Variants in JHY observed in about 807,000 individuals in gnomAD.
JHY encodes the protein jhy protein homolog.
JHY carries 69 observed loss-of-function variants against 78.0 expected under a neutral mutation model. The ratio of observed to expected loss-of-function variants is 0.88; its 90% confidence interval spans 0.73 to 1.08. The LOEUF is 1.08. JHY is among the 50% of genes least tolerant of loss of function. JHY has a pLI of 0.00. For missense variants in JHY, 944 were observed against 927.8 expected, an observed-to-expected ratio of 1.02 and a Z score of -0.23; for synonymous variants, 368 against 342.6, an observed-to-expected ratio of 1.07 and a Z score of -0.82.
chr11:122,926,201 A>G (rs144061952), intron 4 of JHY, among the ~76,000 whole-genome samples: 5 of 89,636 alleles, frequency 5.6e-5, no homozygotes, highest in Admixed American at 1.0e-4. Flanking sequence ...AAAAAAAAAA[A>G]AAAAAGAAAA....
chr11:122,911,819 C>T (rs1476803009), intron 3 of JHY, among the ~76,000 whole-genome samples: 2 of 135,274 alleles, frequency 1.5e-5, no homozygotes, highest in Admixed American at 1.7e-4. Context: ...GCAGGAGATA[C>T]GCTTGAACCC....
intron 3 of JHY, among the ~76,000 whole-genome samples, chr11:122,909,545 C>A (rs1047025415): frequency 6.6e-6 from 1 of 152,148 alleles, no homozygotes; most frequent in Non-Finnish European, 1.5e-5. Context: ...TTTGGGAGGC[C>A]AAAGCGGGCA....
In JHY at chr11:122,883,111, G is replaced by A. The variant is rs1162769031; in HGVS notation, c.-90+139G>A. On this transcript the variant is annotated intron_variant, in intron 1 of 8. Coordinates refer to ENST00000227349, the MANE Select transcript of JHY (RefSeq NM_024806.4). This position sits in a 1 kb window ranked among gnomAD's most constrained non-coding sequence, Gnocchi z 4.4. Reference sequence around the variant, plus strand: ...AGCCGGCGCGGGAGCCTTCGGGACGGAGTGGGGAGCGACAAGGGGGCGAGG... The same window carrying A: ...AGCCGGCGCGGGAGCCTTCGGGACGAAGTGGGGAGCGACAAGGGGGCGAGG... The A allele has an allele frequency of 1.3e-5, 2 of 152,836 alleles. No homozygotes were observed. The highest frequency in any genetic ancestry group is 4.1e-4 in the South Asian group (2 of 4,910). 9.5% of individuals were successfully genotyped at this position (152,836 alleles called of 1,614,324 possible). A position where few individuals can be genotyped will look rare whatever the true frequency, so the allele number is the denominator to read the frequency against.
intron 4 of JHY, among the ~76,000 whole-genome samples, chr11:122,926,771 C>G (rs1363822687): frequency 2.6e-5 from 4 of 152,212 alleles, no homozygotes; most frequent in Non-Finnish European, 5.9e-5. Context: ...CTGCCATTTA[C>G]TTGATTCATG....
In JHY at chr11:122,886,151, G is replaced by A. The variant is rs995696300; in HGVS notation, c.302G>A (p.Arg101His). 8 of 1,613,802 alleles carry A rather than the reference G, an allele frequency of 5.0e-6. No homozygotes were observed. In the African/African-American group the frequency reaches 5.3e-5, roughly 11 times the overall value. ...AGTGGAAAAGCAGCTCAGATGGCTC[G>A]CGAGCAAAACCACCATACCTGGGAC... ...EASGKAAQMA[R>H]EQNHHTWDQG... is the part of the protein sequence containing the mutation. Residue 101 changes from arginine to histidine, a missense_variant, in exon 2 of 9, where the codon CGC (arginine) becomes CAC (histidine). Transcript: ENST00000227349.
At chr11:122,948,468 A>AATAATAATAATCATAATC (rs1288489788) in intron 6 of JHY, among the ~76,000 whole-genome samples, 2 of 148,376 alleles carry the variant, frequency 1.3e-5, no homozygotes, top group Admixed American at 6.8e-5. Context: ...TAATAATAAT[A>AATAATAATAATCATAATC]ATAATAATAA....
Position 122,961,357 on chromosome 11 carries a change from C to T in JHY, c.*1912C>T, listed in dbSNP as rs193205151. Among the ~76,000 whole-genome samples, 11 of 151,844 alleles carry T rather than the reference C, an allele frequency of 7.2e-5. No individual in the cohort carries two copies. The East Asian group carries it at 1.9e-3, about 27-fold the overall frequency. On this transcript the variant is annotated 3_prime_UTR_variant, in exon 9 of 9. Coordinates refer to ENST00000227349, the MANE Select transcript of JHY (RefSeq NM_024806.4). Reference sequence around the variant, plus strand: ...TTGTTGTTGTTTTTAGACAGACTCTCGCTCTGTCACCCAGGCTGGAGTGCA... The same window carrying T: ...TTGTTGTTGTTTTTAGACAGACTCTTGCTCTGTCACCCAGGCTGGAGTGCA...
At position 122,957,269 on chromosome 11, in the gene JHY, C is replaced by T. The variant is rs61904391; in HGVS notation, c.2011-94C>T. On this transcript the variant is annotated intron_variant, in intron 7 of 8. Coordinates refer to ENST00000227349, the MANE Select transcript of JHY (RefSeq NM_024806.4). ...TTGCTCCTGTACAGCTGATAAGATA[C>T]GCCCAGTATACTGAAACCAGGGCAT... 8.8e-3 allele frequency: 11,768 copies of T among 1,343,780 alleles called. 66 individuals are homozygous for T. The highest frequency in any genetic ancestry group is 0.01 in the Non-Finnish European group (10,171 of 1,016,292). The allele number at this position is 1,343,780 out of a possible 1,614,324, so 83.2% of individuals were successfully genotyped here. A position where few individuals can be genotyped will look rare whatever the true frequency, so the allele number is the denominator to read the frequency against.
rs1028996971 is a variant in JHY, at chr11:122,891,612, A to G, written c.344+5419A>G. Among the ~76,000 whole-genome samples the G allele has an allele frequency of 3.9e-5, 6 of 151,920 alleles. No individual in the cohort carries two copies. The East Asian group carries it at 1.2e-3, about 29-fold the overall frequency. On this transcript the variant is annotated intron_variant, in intron 2 of 8. Coordinates refer to ENST00000227349, the MANE Select transcript of JHY (RefSeq NM_024806.4). The stretch of plus-strand genomic sequence containing the variant: ...AGAGAGCAGCCATACAGTACTTTAT[A>G]TGTGTTTAATAAGGTCTTGTTAACA...
intron 6 of JHY, chr11:122,947,528 A>G (rs1565336121): frequency 6.6e-6 from 1 of 152,180 alleles, no homozygotes; most frequent in Non-Finnish European, 1.5e-5. Flanking sequence ...TGTCCTGTGT[A>G]TTTCTCTTCT....
chr11:122,950,888 C>T (rs1864071537), intron 6 of JHY, among the ~76,000 whole-genome samples: 1 of 152,184 alleles, frequency 6.6e-6, no homozygotes, highest in African/African-American at 2.4e-5. Context: ...TGGGGACATC[C>T]CCCTTCCTGC....
At chr11:122,937,995 C>T (rs1185876242) in intron 5 of JHY, among the ~76,000 whole-genome samples, 1 of 148,372 alleles carries the variant, frequency 6.7e-6, no homozygotes, top group Non-Finnish European at 1.5e-5. Context: ...ATTCCTGATC[C>T]TTTGTATATA....
chr11:122,949,557 C>A (rs1372429545), intron 6 of JHY, among the ~76,000 whole-genome samples: 1 of 152,108 alleles, frequency 6.6e-6, no homozygotes, highest in Non-Finnish European at 1.5e-5. Flanking sequence ...TGAGATATGA[C>A]CCCACCCCAA....
In JHY at chr11:122,886,064, A is replaced by T; in HGVS notation, c.215A>T (p.Asp72Val). Residue 72 changes from aspartate (D) to valine (V), a missense_variant, in exon 2 of 9, where the codon GAC becomes GTC. By Grantham distance (152) the Asp-to-Val change is radical. Transcript: ENST00000227349. ...ATCCGGGGCAACGGTATGGAGCCCG[A>T]CAGCTTAGACGAGGAGGAAAGCCCT... ...DRIRGNGMEP[D>V]SLDEEESPRW... 6.2e-7 allele frequency: 1 copy of T among 1,614,168 alleles called. No individual in the cohort carries two copies.
intron 6 of JHY, among the ~76,000 whole-genome samples, chr11:122,955,504 G>GT (rs976898781): frequency 3.3e-5 from 5 of 150,270 alleles, no homozygotes; most frequent in African/African-American, 1.0e-4. Flanking sequence ...GAATATTAGG[G>GT]TTTTTTCCTG....
At position 122,903,916 on chromosome 11, in the gene JHY, T is replaced by G. The variant is rs1303661806; in HGVS notation, c.345-9T>G. The G allele has an allele frequency of 6.4e-7, 1 of 1,556,404 alleles. No homozygotes were observed. Among genetic ancestry groups the G allele is most frequent in the Non-Finnish European group, 8.7e-7 (1 of 1,151,392 alleles). ...TAAGGACTTGGCATTTCTCTTCTGCTTTGGGCAGGCAACAACCAATAGAAG... is the reference window on the plus strand; with the variant it reads ...TAAGGACTTGGCATTTCTCTTCTGCGTTGGGCAGGCAACAACCAATAGAAG... On this transcript the variant is annotated splice_polypyrimidine_tract_variant and intron_variant, in intron 2 of 8. Transcript: ENST00000227349.
In JHY at chr11:122,963,068, A is replaced by G. The variant is rs2135391317; in HGVS notation, c.*3623A>G. On this transcript the variant is annotated 3_prime_UTR_variant, in exon 9 of 9. Transcript: ENST00000227349. ...AGTTTTTTAGCATGTACAATCTGCC[A>G]ACTTCCTTACAACATTGATAAAAGT... 6.6e-6 allele frequency among the ~76,000 whole-genome samples: 1 copy of G among 152,316 alleles called. No homozygotes were observed. Among genetic ancestry groups the G allele is most frequent in the East Asian group, 1.9e-4 (1 of 5,192 alleles).
intron 4 of JHY, among the ~76,000 whole-genome samples, chr11:122,933,713 A>C (rs1204763806): frequency 6.6e-6 from 1 of 152,244 alleles, no homozygotes; most frequent in African/African-American, 2.4e-5. Flanking sequence ...CATCTGGTGA[A>C]GAGGTCATTT....
At chr11:122,953,078 T>C (rs1000244985) in intron 6 of JHY, among the ~76,000 whole-genome samples, 1 of 152,224 alleles carries the variant, frequency 6.6e-6, no homozygotes, top group Admixed American at 6.5e-5. Flanking sequence ...GCCTTAAACA[T>C]ATTCATTTTA....
Sources: allele counts gnomAD v4.1 joint callset (sites outside exome capture counted in the v4.1 genomes callset), GRCh38; gene constraint gnomAD v4.1.1; non-coding constraint Gnocchi (gnomAD v3.1); transcripts MANE v1.5; gene names NCBI Gene and HGNC (gene_info 2026-07-23, HGNC 2026-07-21).